Variants in MEX3B observed in about 807,000 individuals in gnomAD.
The protein encoded by MEX3B is RNA-binding protein MEX3B.
MEX3B carries 10 observed loss-of-function variants against 12.2 expected under a neutral mutation model. The ratio of observed to expected loss-of-function variants is 0.82; its 90% CI spans 0.51 to 1.40. The LOEUF is 1.40. Among genes scored for constraint, MEX3B ranks in the 40% most tolerant of loss-of-function variants. MEX3B has a pLI of 0.00. For missense variants in MEX3B, 839 were observed against 801.4 expected (o/e 1.05, Z -0.57); for synonymous variants, 498 against 356.3 (o/e 1.40, Z -4.48).
At position 82,044,943 on chromosome 15, in the gene MEX3B, G is replaced by T. The variant is rs1006321414; in HGVS notation, c.257-330C>A. ...TCCAGCTGGGCGCGCCGTCAGCTCT[G>T]AAGACACGGGGAAGGGGCTCGGGGA... is the stretch of plus-strand genomic sequence containing the variant. On this transcript the variant is annotated intron_variant, in intron 1 of 1. Coordinates refer to ENST00000329713, the MANE Select transcript of MEX3B (RefSeq NM_032246.6). This position sits in a 1 kb window ranked among gnomAD's most constrained non-coding sequence, Gnocchi z 5.3. 6.9e-6 allele frequency: 4 copies of T among 578,362 alleles called. No homozygotes were observed. The highest frequency in any genetic ancestry group is 3.1e-5 in the Admixed American group (1 of 32,206). The allele number at this position is 578,362 out of a possible 1,614,324, so 35.8% of individuals were successfully genotyped here. A position where few individuals can be genotyped will look rare whatever the true frequency, so the allele number is the denominator to read the frequency against.
rs772499686 is a variant in MEX3B at position 82,043,727 on chromosome 15, C to T, written c.1143G>A (p.Glu381=). The T allele has an allele frequency of 1.3e-6, 2 of 1,578,554 alleles. No homozygotes were observed. Among genetic ancestry groups the T allele is most frequent in the East Asian group, 4.5e-5 (2 of 44,740 alleles). Residue 381 remains glutamate, a synonymous_variant, in exon 2 of 2, where the codon GAG becomes GAA. Transcript: ENST00000329713. ...CTGCAGGTCCGCCTCCCGGGGACCG[C>T]TCGAACTGGGCCCAGATAAGTGGTG... ...PGAPLIWAQF[E]RSPGGGPAAP... is the part of the protein sequence containing the mutation.
chr15:82,043,059 GA>G lies in MEX3B; in HGVS notation c.*100del, dbSNP rs1359407597. ...TGGTGGGGCCGGGAAGGAGAAGGGAGAGGGGGGGCACCCAGGGAGGCAGGCG... is the reference window on the plus strand; with the variant it reads ...TGGTGGGGCCGGGAAGGAGAAGGGAGGGGGGGGCACCCAGGGAGGCAGGCG... On this transcript the variant is annotated 3_prime_UTR_variant, in exon 2 of 2. Transcript: ENST00000329713. 15 of 1,078,036 alleles carry G rather than the reference GA, an allele frequency of 1.4e-5. No homozygotes were observed. Among genetic ancestry groups the G allele is most frequent in the South Asian group, 7.5e-5 (3 of 40,224 alleles). 66.8% of individuals were successfully genotyped at this position (1,078,036 alleles called of 1,614,324 possible). A position where few individuals can be genotyped will look rare whatever the true frequency, so the allele number is the denominator to read the frequency against.
In MEX3B at chr15:82,043,743, A is replaced by T. The variant is rs763162407; in HGVS notation, c.1127T>A (p.Ile376Asn). 3.2e-6 allele frequency: 5 copies of T among 1,571,130 alleles called. No individual in the cohort carries two copies. The highest frequency in any genetic ancestry group is 4.3e-6 in the Non-Finnish European group (5 of 1,160,264). ...CGGGGACCGCTCGAACTGGGCCCAG[A>T]TAAGTGGTGCCCCAGGTGGGGGAGC... ...APAPPPGAPL[I>N]WAQFERSPGG... Residue 376 changes from isoleucine (I) to asparagine (N), a missense_variant, in exon 2 of 2, where the codon ATC becomes AAC. Around this residue, in one of 3 missense-constraint regions of MEX3B, gnomAD observed 573 missense variants for 488.9 expected, o/e 1.17. Coordinates refer to ENST00000329713, the MANE Select transcript of MEX3B (RefSeq NM_032246.6).
At chr15:82,045,024 T>A (rs2073247985) in intron 1 of MEX3B, 4 of 584,028 alleles carry the variant, frequency 6.8e-6, no homozygotes, top group Non-Finnish European at 1.2e-5. Context: ...GGGGGTGGGG[T>A]GTGAGTCCCG....
At chr15:82,045,006 T>TGGGGGTA (rs1555418654) in intron 1 of MEX3B, 1 of 579,656 alleles carries the variant, frequency 1.7e-6, no homozygotes, top group African/African-American at 1.9e-5. Flanking sequence ...GCTGGTCGAC[T>TGGGGGTA]GGGGGTAGGG....
chr15:82,045,315 C>G, intron 1 of MEX3B, 135 bp downstream of exon 1: 1 of 1,084,676 alleles, frequency 9.2e-7, no homozygotes, highest in Non-Finnish European at 1.4e-6. Context: ...GGGCGCCGGC[C>G]CATCGCGCGG....
chr15:82,044,044 G>C lies in MEX3B; in HGVS notation c.826C>G (p.Pro276Ala). The C allele has an allele frequency of 3.7e-6, 6 of 1,607,168 alleles. No individual in the cohort carries two copies. Among genetic ancestry groups the C allele is most frequent in the Non-Finnish European group, 4.2e-6 (5 of 1,179,178 alleles). Residue 276 changes from proline to alanine, a missense_variant, in exon 2 of 2, where the codon CCC becomes GCC. Around this residue, in one of 3 missense-constraint regions of MEX3B, gnomAD observed 573 missense variants for 488.9 expected, o/e 1.17. Transcript: ENST00000329713. The surrounding 1 kb of genome is among the most constrained non-coding windows in gnomAD (Gnocchi z 5.3). Reference sequence around the variant, plus strand: ...TAGCTAGAGAAAGGCTTGCGGCCGGGGGTGGGCGTGATGCTGGGGGTGGGC... The same window carrying C: ...TAGCTAGAGAAAGGCTTGCGGCCGGCGGTGGGCGTGATGCTGGGGGTGGGC... ...SKPTPSITPT[P>A]GRKPFSSYRN... is the part of the protein sequence containing the mutation.
chr15:82,045,034 G>A, intron 1 of MEX3B: 1 of 591,726 alleles, frequency 1.7e-6, no homozygotes, highest in South Asian at 2.0e-5. Context: ...TGTGAGTCCC[G>A]GGACCCATTG....
rs886968058 is a variant in MEX3B at position 82,045,831 on chromosome 15, T to C, written c.-126A>G. The C allele has an allele frequency of 1.4e-3, 1,501 of 1,082,302 alleles. 2 individuals are homozygous for C. The highest frequency in any genetic ancestry group is 2.6e-3 in the Admixed American group (61 of 23,328). 67.0% of individuals were successfully genotyped at this position (1,082,302 alleles called of 1,614,324 possible). Reference sequence around the variant, plus strand: ...GCCGGTCGCCTGCTGAGGGCTCCGTTGCTTCTTCCTCGGTGCTGGGAGGAG... The same window carrying C: ...GCCGGTCGCCTGCTGAGGGCTCCGTCGCTTCTTCCTCGGTGCTGGGAGGAG... On this transcript the variant is annotated 5_prime_UTR_variant, in exon 1 of 2. Transcript: ENST00000329713.
In MEX3B at chr15:82,045,898, AG is replaced by A; in HGVS notation, c.-194del. ...GTCCGCACCGGGCAGTGGCTGCAGG[AG>A]CCCCCACCTGGGTCCCCACCCCAGA... On this transcript the variant is annotated 5_prime_UTR_variant, in exon 1 of 2. Coordinates refer to ENST00000329713, the MANE Select transcript of MEX3B (RefSeq NM_032246.6). 1 of 537,402 alleles carries A rather than the reference AG, an allele frequency of 1.9e-6. No homozygotes were observed. Among genetic ancestry groups the A allele is most frequent in the East Asian group, 3.8e-5 (1 of 26,614 alleles). The allele number at this position is 537,402 out of a possible 1,614,324, so 33.3% of individuals were successfully genotyped here.
chr15:82,043,235 G>A lies in MEX3B; in HGVS notation c.1635C>T (p.Arg545=). 1 of 1,596,314 alleles carries A rather than the reference G, an allele frequency of 6.3e-7. No homozygotes were observed. Among genetic ancestry groups the A allele is most frequent in the Non-Finnish European group, 8.5e-7 (1 of 1,171,260 alleles). ...HNLFCMECAN[R]ICEKSEPECP... is the part of the protein sequence containing the mutation. The stretch of plus-strand genomic sequence containing the variant: ...ACTCGGGCTCGCTCTTCTCACAGAT[G>A]CGATTGGCGCACTCCATGCAGAAGA... Residue 545 remains arginine, a synonymous_variant, in exon 2 of 2, where the codon CGC becomes CGT. Coordinates refer to ENST00000329713, the MANE Select transcript of MEX3B (RefSeq NM_032246.6).
rs896842927 is a variant in MEX3B at position 82,045,849 on chromosome 15, G to A, written c.-144C>T. On this transcript the variant is annotated 5_prime_UTR_variant, in exon 1 of 2. Coordinates refer to ENST00000329713, the MANE Select transcript of MEX3B (RefSeq NM_032246.6). ...GCTCCGTTGCTTCTTCCTCGGTGCT[G>A]GGAGGAGTGGGTCGCTCCGTGCGGT... 2.2e-6 allele frequency: 2 copies of A among 904,370 alleles called. No individual in the cohort carries two copies. The highest frequency in any genetic ancestry group is 3.5e-5 in the African/African-American group (2 of 56,668). 56.0% of individuals were successfully genotyped at this position (904,370 alleles called of 1,614,324 possible).
Position 82,043,670 on chromosome 15 carries a change from T to C in MEX3B, c.1200A>G (p.Ala400=), listed in dbSNP as rs111907746. ...APVSSSCSSS[A]SSSASSSSVV... ...CGGAGGAGGAAGAAGCAGACGAAGA[T>C]GCAGAAGAAGAGCAGGAAGAAGATA... The change falls in exon 2 of 2, where the codon GCA becomes GCG. Residue 400 remains alanine (A), a synonymous_variant. Transcript: ENST00000329713. The C allele has an allele frequency of 1.2e-6, 2 of 1,610,688 alleles. No homozygotes were observed. The highest frequency in any genetic ancestry group is 1.3e-5 in the African/African-American group (1 of 74,782).
chr15:82,045,416 C>CCCCCCCCCCCCAA, intron 1 of MEX3B, 34 bp downstream of exon 1: 1 of 1,560,262 alleles, frequency 6.4e-7, no homozygotes, highest in Non-Finnish European at 8.7e-7. Flanking sequence ...CCCTACACCA[C>CCCCCCCCCCCCAA]CCCCACCCAC....
In MEX3B at chr15:82,042,343, C is replaced by G. The variant is rs1892688674; in HGVS notation, c.*817G>C. 6.6e-6 allele frequency: 1 copy of G among 152,620 alleles called. No homozygotes were observed. Among genetic ancestry groups the G allele is most frequent in the African/African-American group, 2.4e-5 (1 of 41,444 alleles). 9.5% of individuals were successfully genotyped at this position (152,620 alleles called of 1,614,324 possible). On this transcript the variant is annotated 3_prime_UTR_variant, in exon 2 of 2. Transcript: ENST00000329713. ...ACACATTTTATGGTTGTAATTCCGT[C>G]ACAATTGTGTGATTATTAAAATAAT... is the stretch of plus-strand genomic sequence containing the variant.
Position 82,043,324 on chromosome 15 carries a change from GGC to G in MEX3B, c.1544_1545del (p.Ser515ThrfsTer33). 1 of 1,606,938 alleles carries G rather than the reference GGC, an allele frequency of 6.2e-7. No individual in the cohort carries two copies. The highest frequency in any genetic ancestry group is 8.5e-7 in the Non-Finnish European group (1 of 1,176,494). On this transcript the variant is annotated frameshift_variant, in exon 2 of 2. Transcript: ENST00000329713. LOFTEE classifies it high-confidence loss of function. Reference protein sequence around the residue: ...SSSSGLRRKGSRDCSVCFESE... With the variant: ...SSSSGLRRKGXRDCSVCFESE... The stretch of plus-strand genomic sequence containing the variant: ...CTCTCGAAGCACACGGAGCAGTCGC[GGC>G]TGCCTTTACGCCGAAGCCCGGAGGA...
Position 82,042,056 on chromosome 15 carries a change from TAAAC to T in MEX3B, c.*1100_*1103del. The T allele has an allele frequency of 6.5e-6, 1 of 152,766 alleles. No homozygotes were observed. The highest frequency in any genetic ancestry group is 2.4e-5 in the African/African-American group (1 of 41,586). 9.5% of individuals were successfully genotyped at this position (152,766 alleles called of 1,614,324 possible). On this transcript the variant is annotated 3_prime_UTR_variant, in exon 2 of 2. Transcript: ENST00000329713. Reference sequence around the variant, plus strand: ...CACCTACATATACATAAACAAGTGGTAAACAAATGTATTAAAATAGAAATACTAA... The same window carrying T: ...CACCTACATATACATAAACAAGTGGTAAATGTATTAAAATAGAAATACTAA...
At position 82,045,511 on chromosome 15, in the gene MEX3B, G is replaced by A. The variant is rs778943471; in HGVS notation, c.195C>T (p.Asn65=). Residue 65 remains asparagine (N), a synonymous_variant, in exon 1 of 2, where the codon AAC becomes AAT. Transcript: ENST00000329713. The part of the protein sequence containing the change: ...YDSEPRKKSV[N]MTECVPVPSS... ...TGGGTACTGGCACGCACTCGGTCAT[G>A]TTCACGCTCTTCTTGCGCGGCTCGC... 1.2e-6 allele frequency: 2 copies of A among 1,612,678 alleles called. No homozygotes were observed. The highest frequency in any genetic ancestry group is 1.1e-5 in the South Asian group (1 of 90,962).
chr15:82,043,527 G>C lies in MEX3B; in HGVS notation c.1343C>G (p.Ala448Gly). The C allele has an allele frequency of 6.6e-7, 1 of 1,515,704 alleles. No individual in the cohort carries two copies. The highest frequency in any genetic ancestry group is 2.4e-5 in the East Asian group (1 of 41,194). 93.9% of individuals were successfully genotyped at this position (1,515,704 alleles called of 1,614,324 possible). ...CPRLSPPLHM[A>G]PGAGEHHLAR... is the part of the protein sequence containing the mutation. ...CAGGTGGTGCTCTCCCGCCCCCGGGGCCATGTGCAAGGGTGGAGACAGGCG... is the reference window on the plus strand; with the variant it reads ...CAGGTGGTGCTCTCCCGCCCCCGGGCCCATGTGCAAGGGTGGAGACAGGCG... The change falls in exon 2 of 2, where the codon GCC becomes GGC. Residue 448 changes from alanine to glycine, a missense_variant. Around this residue, in one of 3 missense-constraint regions of MEX3B, gnomAD observed 573 missense variants for 488.9 expected, o/e 1.17. Coordinates refer to ENST00000329713, the MANE Select transcript of MEX3B (RefSeq NM_032246.6).
Sources: allele counts gnomAD v4.1 joint callset, GRCh38; gene constraint gnomAD v4.1.1; regional missense constraint gnomAD v4.1.1; non-coding constraint Gnocchi (gnomAD v3.1); transcripts MANE v1.5; gene names NCBI Gene and HGNC (gene_info 2026-07-23, HGNC 2026-07-21).